The following POU2F2 variants were observed in gnomAD, a reference collection of about 807,000 sequenced individuals.
The protein encoded by POU2F2 is POU domain, class 2, transcription factor 2.
In POU2F2, 14 loss-of-function variants were observed where a neutral mutation model predicts 63.5. The ratio of observed to expected loss-of-function variants is 0.22; its 90% CI spans 0.15 to 0.34. The LOEUF (loss-of-function observed/expected upper bound fraction) is 0.34. Ranked by LOEUF, POU2F2 falls within the 10% of genes least tolerant of loss-of-function variation. POU2F2 has a pLI of 1.00. For synonymous variants in POU2F2, 306 were observed against 348.6 expected (o/e 0.88, Z 1.36); for missense variants, 607 against 815.2 (o/e 0.74, Z 3.11).
intron 2 of POU2F2, among the ~76,000 whole-genome samples, chr19:42,141,952 T>C (rs1461873662): frequency 6.6e-6 from 1 of 152,184 alleles, no homozygotes; most frequent in Non-Finnish European, 1.5e-5. Context: ...TACTATGCAG[T>C]TATGAAAGAG....
intron 1 of POU2F2, among the ~76,000 whole-genome samples, chr19:42,125,228 G>C (rs537714566): frequency 9.3e-4 from 141 of 152,068 alleles, no homozygotes; most frequent in Non-Finnish European, 1.6e-3. Context: ...ACATGATGGT[G>C]GTGGGCACCT....
In POU2F2 at chr19:42,090,981, TTTTGGTTTG is replaced by T; in HGVS notation, c.*267_*275del. On this transcript the variant is annotated 3_prime_UTR_variant, in exon 15 of 15. Coordinates refer to ENST00000692977, the MANE Select transcript of POU2F2 (RefSeq NM_001394376.1). This position sits in a 1 kb window ranked among gnomAD's most constrained non-coding sequence, Gnocchi z 4.4. ...GTTTGATTTTGTGGGTTTTTTTTTT[TTTTGGTTTG>T]TTTTTGGTTTTTTTTTGTTTGTTTT... The T allele has an allele frequency of 3.6e-6, 1 of 279,914 alleles. No individual in the cohort carries two copies. Among genetic ancestry groups the T allele is most frequent in the Non-Finnish European group, 6.6e-6 (1 of 150,956 alleles). The allele number at this position is 279,914 out of a possible 1,614,324, so 17.3% of individuals were successfully genotyped here.
intron 2 of POU2F2, among the ~76,000 whole-genome samples, chr19:42,139,082 C>G (rs1199120059): frequency 6.6e-6 from 1 of 152,088 alleles, no homozygotes; most frequent in African/African-American, 2.4e-5. Flanking sequence ...TTTGCAAGGT[C>G]GACGAGGGCG....
chr19:42,092,394 C>T lies in POU2F2; in HGVS notation c.1265-124G>A. On this transcript the variant is annotated intron_variant, in intron 12 of 14. Transcript: ENST00000692977. This position sits in a 1 kb window ranked among gnomAD's most constrained non-coding sequence, Gnocchi z 5.0. ...GCAGCATCTCCTCAGTCAGAACAGC[C>T]TTAGACCTCCCTGCCCTCTCTTCCC... is the stretch of plus-strand genomic sequence containing the variant. The T allele has an allele frequency of 1.3e-6, 1 of 750,540 alleles. No individual in the cohort carries two copies. Among genetic ancestry groups the T allele is most frequent in the Non-Finnish European group, 2.3e-6 (1 of 431,326 alleles). The allele number at this position is 750,540 out of a possible 1,614,324, so 46.5% of individuals were successfully genotyped here.
intron 5 of POU2F2, among the ~76,000 whole-genome samples, chr19:42,112,737 C>T (rs1449184854): frequency 6.6e-6 from 1 of 152,128 alleles, no homozygotes; most frequent in Non-Finnish European, 1.5e-5. Flanking sequence ...CCCATTTTAC[C>T]TGCCCTACAA....
chr19:42,100,307 T>G (rs2077088220), intron 5 of POU2F2, among the ~76,000 whole-genome samples: 1 of 151,838 alleles, frequency 6.6e-6, no homozygotes, highest in Admixed American at 6.5e-5. Flanking sequence ...GCCAGGATGG[T>G]CTCAATCTCC....
intron 1 of POU2F2, among the ~76,000 whole-genome samples, chr19:42,184,829 G>T (rs776009417): frequency 5.3e-5 from 8 of 152,198 alleles, no homozygotes; most frequent in South Asian, 2.1e-4. Context: ...CTTTCTCTAT[G>T]CTGGTAATCC....
At chr19:42,142,952 G>A (rs2034159121) in intron 2 of POU2F2, among the ~76,000 whole-genome samples, 2 of 152,178 alleles carry the variant, frequency 1.3e-5, no homozygotes, top group African/African-American at 2.4e-5. Flanking sequence ...AGTGAGAATT[G>A]TAGTTACCTC....
At chr19:42,129,361 C>T (rs2033490253) in intron 1 of POU2F2, among the ~76,000 whole-genome samples, 2 of 152,116 alleles carry the variant, frequency 1.3e-5, no homozygotes, top group African/African-American at 4.8e-5. Context: ...AGGTCAGACA[C>T]CCCTCAACCA....
intron 5 of POU2F2, among the ~76,000 whole-genome samples, chr19:42,114,755 T>A (rs1178896126): frequency 6.6e-6 from 1 of 152,102 alleles, no homozygotes; most frequent in Non-Finnish European, 1.5e-5. Flanking sequence ...GGAGGATTCA[T>A]GGGAGCAAAG....
chr19:42,093,376 A>ACAC (rs1342176064), intron 12 of POU2F2: 1 of 152,650 alleles, frequency 6.6e-6, no homozygotes, highest in Non-Finnish European at 1.5e-5. Context: ...TCCCAGGAAG[A>ACAC]GGGAGGGGAA....
chr19:42,168,871 TAAACC>T (rs2034702568), intron 1 of POU2F2, among the ~76,000 whole-genome samples: 1 of 152,222 alleles, frequency 6.6e-6, no homozygotes, highest in Non-Finnish European at 1.5e-5. Context: ...CCTACCAATC[TAAACC>T]AGGTTCTTCC....
chr19:42,114,154 C>A (rs1277453297), intron 5 of POU2F2, among the ~76,000 whole-genome samples: 2 of 152,112 alleles, frequency 1.3e-5, no homozygotes, highest in African/African-American at 2.4e-5. Context: ...GGAGGCTCAG[C>A]TTGCTGCTGC....
At chr19:42,196,523 A>G (rs934616325) in exon 1 of POU2F2, 7 of 152,384 alleles carry the variant, frequency 4.6e-5, no homozygotes, top group African/African-American at 1.7e-4. Context: ...CGCACAGGCC[A>G]ACCCAAGGTT....
chr19:42,178,995 G>A (rs1054040119), upstream of POU2F2, among the ~76,000 whole-genome samples: 1 of 152,048 alleles, frequency 6.6e-6, no homozygotes, highest in Non-Finnish European at 1.5e-5. Context: ...ACTGGAAGAG[G>A]CTTTCAGTTG....
At chr19:42,127,630 C>G (rs1201163920) in intron 1 of POU2F2, among the ~76,000 whole-genome samples, 1 of 152,112 alleles carries the variant, frequency 6.6e-6, no homozygotes, top group Non-Finnish European at 1.5e-5. Context: ...ATCTGCCCAC[C>G]TCAGCCTCCC....
rs1599909512 is a variant in POU2F2, at chr19:42,091,202, A to T, written c.*55T>A. The T allele has an allele frequency of 6.9e-7, 1 of 1,448,904 alleles. No individual in the cohort carries two copies. Among genetic ancestry groups the T allele is most frequent in the Non-Finnish European group, 9.1e-7 (1 of 1,098,288 alleles). 89.8% of individuals were successfully genotyped at this position (1,448,904 alleles called of 1,614,324 possible). A position where few individuals can be genotyped will look rare whatever the true frequency, so the allele number is the denominator to read the frequency against. ...CCACTGGCCTCCTCGCCCTCTTCCC[A>T]GGCAAGGGACCAAGGCAGGGACCAG... On this transcript the variant is annotated 3_prime_UTR_variant, in exon 15 of 15. Coordinates refer to ENST00000692977, the MANE Select transcript of POU2F2 (RefSeq NM_001394376.1).
intron 13 of POU2F2, 38 bp from the exon 14 acceptor site, chr19:42,091,978 G>A: frequency 6.5e-7 from 1 of 1,535,936 alleles, no homozygotes; most frequent in Non-Finnish European, 8.8e-7. Flanking sequence ...CAGGGGCAGG[G>A]ACCTGCCAAC....
At chr19:42,151,696 C>T (rs192170489) in intron 2 of POU2F2, among the ~76,000 whole-genome samples, 1 of 152,282 alleles carries the variant, frequency 6.6e-6, no homozygotes, top group East Asian at 1.9e-4. Context: ...AGTCTCTCCC[C>T]TCACTTCTCT....
Sources: gnomAD v4.1 joint callset for allele counts (sites outside exome capture counted in the v4.1 genomes callset) on GRCh38, gnomAD v4.1.1 for gene constraint, Gnocchi (gnomAD v3.1) non-coding constraint, MANE v1.5 for transcripts, NCBI Gene and HGNC (gene_info 2026-07-23, HGNC 2026-07-21) for gene names.